SV2C: variants seen among roughly 807,000 people sequenced by gnomAD.
SV2C encodes solute carrier family 22 member B3.
SV2C carries 49 observed loss-of-function variants against 79.7 expected under a neutral mutation model. The observed-to-expected ratio is 0.61, with a 90% CI of 0.49 to 0.78. The LOEUF is 0.78. Among genes scored for constraint, SV2C ranks in the 30% least tolerant of loss-of-function variants. The pLI is 0.00. For synonymous variants in SV2C, 334 were observed against 333.2 expected (o/e 1.00, Z -0.03); for missense variants, 833 against 912.9 (o/e 0.91, Z 1.13).
intron 2 of SV2C, among the ~76,000 whole-genome samples, chr5:76,146,749 A>C (rs984993948): frequency 1.4e-5 from 2 of 147,106 alleles, no homozygotes; most frequent in African/African-American, 2.5e-5. Flanking sequence ...ATGGGGGCTA[A>C]TGACATCAGA....
chr5:76,316,350 C>T (rs941787122), intron 12 of SV2C, among the ~76,000 whole-genome samples: 3 of 152,158 alleles, frequency 2.0e-5, no homozygotes, highest in African/African-American at 7.2e-5. Context: ...CTTCATGTCA[C>T]GTGGAGCTTC....
chr5:76,254,255 T>G (rs58856805), intron 4 of SV2C, among the ~76,000 whole-genome samples: 44,592 of 147,676 alleles, frequency 0.3, 6,936 homozygotes, highest in South Asian at 0.4. Context: ...TATATATATA[T>G]ATAGAGAGAG....
At chr5:76,263,210 T>G (rs1561288757) in intron 4 of SV2C, among the ~76,000 whole-genome samples, 1 of 152,192 alleles carries the variant, frequency 6.6e-6, no homozygotes, top group Non-Finnish European at 1.5e-5. Context: ...TTTTTTGATC[T>G]TTGTTGGTTT....
intron 2 of SV2C, among the ~76,000 whole-genome samples, chr5:76,139,683 C>T (rs1023992718): frequency 6.6e-6 from 1 of 152,048 alleles, no homozygotes; most frequent in Non-Finnish European, 1.5e-5. Flanking sequence ...AATATTCCAA[C>T]TTCATAGATA....
At chr5:75,997,576 A>AAAATGTTATG in the SV2C span, among the ~76,000 whole-genome samples, 5 of 152,210 alleles carry the variant, frequency 3.3e-5, no homozygotes, top group Non-Finnish European at 7.3e-5. Flanking sequence ...TGCAACCAAA[A>AAAATGTTATG]CACACATGAA....
the SV2C span, among the ~76,000 whole-genome samples, chr5:76,025,851 C>T: frequency 6.6e-6 from 1 of 152,264 alleles, no homozygotes; most frequent in South Asian, 2.1e-4. Context: ...CTGGCCATTG[C>T]AAACACATAT....
At chr5:76,214,726 A>G (rs1744866523) in intron 4 of SV2C, among the ~76,000 whole-genome samples, 1 of 152,214 alleles carries the variant, frequency 6.6e-6, no homozygotes, top group African/African-American at 2.4e-5. Context: ...TTTTCAACAT[A>G]CAAATCTTTT....
At chr5:75,898,103 A>G in the SV2C span, among the ~76,000 whole-genome samples, 2 of 152,118 alleles carry the variant, frequency 1.3e-5, no homozygotes, top group South Asian at 2.1e-4. Flanking sequence ...TTCCAACACT[A>G]TGTTGAATAG....
chr5:75,857,098 C>T, the SV2C span, among the ~76,000 whole-genome samples: 1 of 151,884 alleles, frequency 6.6e-6, no homozygotes. Context: ...GCTGGGACTA[C>T]AGGTGCCTGC....
intron 12 of SV2C, among the ~76,000 whole-genome samples, chr5:76,310,801 A>G (rs1476749388): frequency 6.6e-6 from 1 of 152,216 alleles, no homozygotes; most frequent in African/African-American, 2.4e-5. Flanking sequence ...TCAACGTAAG[A>G]AAATCCAGAG....
At chr5:75,910,251 A>C in the SV2C span, 1 of 453,384 alleles carries the variant, frequency 2.2e-6, no homozygotes, top group Admixed American at 2.4e-5. Context: ...CAACATGGCG[A>C]AACCTCATCT....
intron 2 of SV2C, among the ~76,000 whole-genome samples, chr5:76,175,997 A>T (rs1233597885): frequency 6.6e-6 from 1 of 152,118 alleles, no homozygotes; most frequent in Non-Finnish European, 1.5e-5. Context: ...AAGCCCTGGG[A>T]TCCCTACCTT....
At chr5:76,010,741 A>G in the SV2C span, among the ~76,000 whole-genome samples, 9 of 152,182 alleles carry the variant, frequency 5.9e-5, no homozygotes, top group Non-Finnish European at 1.3e-4. Flanking sequence ...TCTGAAGGAA[A>G]AAAGGGTCCA....
the SV2C span, among the ~76,000 whole-genome samples, chr5:76,036,781 A>C: frequency 6.6e-6 from 1 of 152,124 alleles, no homozygotes; most frequent in African/African-American, 2.4e-5. Context: ...CCTGAATCTG[A>C]ATGTTGGCCT....
At chr5:76,039,046 AT>A in the SV2C span, among the ~76,000 whole-genome samples, 2 of 152,168 alleles carry the variant, frequency 1.3e-5, no homozygotes, top group Non-Finnish European at 2.9e-5. Context: ...TTCTTTAGCA[AT>A]TGCTTTATAC....
chr5:76,178,959 T>C (rs1414228135), intron 2 of SV2C, among the ~76,000 whole-genome samples: 1 of 152,216 alleles, frequency 6.6e-6, no homozygotes, highest in Non-Finnish European at 1.5e-5. Context: ...GTTTTACTGA[T>C]TTTCAAAATG....
the SV2C span, among the ~76,000 whole-genome samples, chr5:75,852,847 AAAAG>A: frequency 7.6e-6 from 1 of 131,648 alleles, no homozygotes; most frequent in South Asian, 2.2e-4. Context: ...AAAAAAAGAA[AAAAG>A]AAAAAAAACT....
In SV2C at chr5:76,298,899, A is replaced by G; in HGVS notation, c.1608A>G (p.Thr536=). ...TSVNTYFKNC[T]FIDTVFDNTD... is the part of the protein sequence containing the mutation. Reference sequence around the variant, plus strand: ...TGAACACCTACTTCAAGAACTGCACATTTATTGACACTGTTTTTGACAACA... The same window carrying G: ...TGAACACCTACTTCAAGAACTGCACGTTTATTGACACTGTTTTTGACAACA... Residue 536 remains threonine (T), a synonymous_variant, in exon 10 of 13, where the codon ACA becomes ACG. Transcript: ENST00000502798. The G allele has an allele frequency of 6.2e-7, 1 of 1,613,912 alleles. No individual in the cohort carries two copies. Among genetic ancestry groups the G allele is most frequent in the Non-Finnish European group, 8.5e-7 (1 of 1,179,868 alleles).
At chr5:76,069,847 T>C in the SV2C span, among the ~76,000 whole-genome samples, 5 of 134,196 alleles carry the variant, frequency 3.7e-5, no homozygotes, top group African/African-American at 1.0e-4. Context: ...CACACACACA[T>C]ACACACACAC....
Sources: gnomAD v4.1 joint callset for allele counts (sites outside exome capture counted in the v4.1 genomes callset) on GRCh38, gnomAD v4.1.1 for gene constraint, MANE v1.5 for transcripts, NCBI Gene and HGNC (gene_info 2026-07-23, HGNC 2026-07-21) for gene names.